Variants in GNG12 observed in about 807,000 individuals in gnomAD.
The protein encoded by GNG12 is guanine nucleotide-binding protein G(I)/G(S)/G(O) subunit gamma-12.
For synonymous variants in GNG12, 28 were observed against 29.7 expected, an observed-to-expected ratio of 0.94 and a Z score of 0.19; for missense variants, 69 against 83.8, an observed-to-expected ratio of 0.82 and a Z score of 0.69.
intron 1 of GNG12, among the ~76,000 whole-genome samples, chr1:67,796,143 C>G (rs1456378681): frequency 6.6e-6 from 1 of 152,206 alleles, no homozygotes; most frequent in South Asian, 2.1e-4. Flanking sequence ...GCCCTACTGA[C>G]AAAAGACATC....
rs188038053 is a variant in GNG12, at chr1:67,702,941, T to C, written c.*2510A>G. On this transcript the variant is annotated 3_prime_UTR_variant, in exon 4 of 4. Transcript: ENST00000370982. ...TGGAAAAAGTAACAAACACTGGGTA[T>C]TTGTCTATCATTAACATAAACCAAC... 6.6e-6 allele frequency: 1 copy of C among 152,322 alleles called. No homozygotes were observed. The highest frequency in any genetic ancestry group is 1.5e-5 in the Non-Finnish European group (1 of 68,006). The allele number at this position is 152,322 out of a possible 1,614,324, so 9.4% of individuals were successfully genotyped here.
chr1:67,724,679 C>T (rs137888161), intron 2 of GNG12, among the ~76,000 whole-genome samples: 1,865 of 152,236 alleles, frequency 0.012, 32 homozygotes, highest in African/African-American at 0.043. Context: ...TGTCAGCCAC[C>T]GCGCCTGGCC....
intron 1 of GNG12, among the ~76,000 whole-genome samples, chr1:67,815,523 T>C (rs973000452): frequency 2.0e-5 from 3 of 152,146 alleles, no homozygotes; most frequent in African/African-American, 7.2e-5. Flanking sequence ...GTGGCCCTCA[T>C]CCCCAGAGTG....
chr1:67,829,662 A>G (rs1372115890), intron 1 of GNG12, among the ~76,000 whole-genome samples: 1 of 152,234 alleles, frequency 6.6e-6, no homozygotes, highest in Non-Finnish European at 1.5e-5. Context: ...TGAAGCATAG[A>G]TTAAGTAACT....
intron 2 of GNG12, among the ~76,000 whole-genome samples, chr1:67,717,486 A>G (rs1022997410): frequency 4.0e-5 from 6 of 151,676 alleles, no homozygotes; most frequent in Non-Finnish European, 8.8e-5. Flanking sequence ...ATTGCACTCC[A>G]GCCTGGGCGA....
Position 67,744,312 on chromosome 1 carries a change from C to G in GNG12, c.-27+33146G>C, listed in dbSNP as rs112801423. ...TAAATGCTGGTTCCCCGGGTGCCTACTAAGCAAGATTGTTCTGGGTTAAAC... is the reference window on the plus strand; with the variant it reads ...TAAATGCTGGTTCCCCGGGTGCCTAGTAAGCAAGATTGTTCTGGGTTAAAC... On this transcript the variant is annotated intron_variant, in intron 2 of 3. Transcript: ENST00000370982. Among the ~76,000 whole-genome samples the G allele has an allele frequency of 4.9e-3, 746 of 152,230 alleles. 5 individuals are homozygous for G. The highest frequency in any genetic ancestry group is 0.017 in the African/African-American group (688 of 41,526).
chr1:67,810,299 C>A (rs552132962), intron 1 of GNG12, among the ~76,000 whole-genome samples: 14 of 152,084 alleles, frequency 9.2e-5, no homozygotes, highest in African/African-American at 3.4e-4. Context: ...TTTAGGACAG[C>A]GAAACTATTT....
At chr1:67,706,303 T>A (rs942065763) in intron 3 of GNG12, among the ~76,000 whole-genome samples, 2 of 152,214 alleles carry the variant, frequency 1.3e-5, no homozygotes, top group African/African-American at 4.8e-5. Context: ...GAACACACTT[T>A]AAGAACTGAA....
At chr1:67,709,925 TATATATATAG>T (rs1557591912) in intron 2 of GNG12, among the ~76,000 whole-genome samples, 9 of 41,296 alleles carry the variant, frequency 2.2e-4, no homozygotes, top group South Asian at 8.4e-4. Flanking sequence ...TATATATAGT[TATATATATAG>T]TTATATATAT....
At chr1:67,748,234 G>A (rs1646518116) in intron 2 of GNG12, among the ~76,000 whole-genome samples, 1 of 152,160 alleles carries the variant, frequency 6.6e-6, no homozygotes, top group African/African-American at 2.4e-5. Flanking sequence ...TTTGTAATAT[G>A]CTTCCTTTGA....
chr1:67,711,405 T>A (rs183541353), intron 2 of GNG12, among the ~76,000 whole-genome samples: 2 of 150,656 alleles, frequency 1.3e-5, no homozygotes, highest in Non-Finnish European at 3.0e-5. Context: ...AAAGCTCACA[T>A]AGGATCCTGA....
intron 2 of GNG12, among the ~76,000 whole-genome samples, chr1:67,732,158 A>C (rs1278652577): frequency 6.6e-6 from 1 of 152,234 alleles, no homozygotes; most frequent in Admixed American, 6.5e-5. Context: ...AATGACAGAC[A>C]TCTAGAGGAA....
At chr1:67,825,385 C>T (rs561252034) in intron 1 of GNG12, among the ~76,000 whole-genome samples, 101 of 152,282 alleles carry the variant, frequency 6.6e-4, no homozygotes, top group African/African-American at 2.4e-3. Context: ...TGAACCAGCA[C>T]CTTGATCCTC....
At chr1:67,794,998 G>A (rs1349098184) in intron 1 of GNG12, among the ~76,000 whole-genome samples, 4 of 152,104 alleles carry the variant, frequency 2.6e-5, no homozygotes, top group African/African-American at 4.8e-5. Flanking sequence ...CAGAAAATAC[G>A]ATACCCATTT....
chr1:67,763,521 A>G (rs1447544871), intron 2 of GNG12, among the ~76,000 whole-genome samples: 2 of 151,692 alleles, frequency 1.3e-5, no homozygotes, highest in African/African-American at 4.9e-5. Context: ...CACAGAAATA[A>G]ATATCCATCA....
At chr1:67,726,875 C>T (rs1646389419) in intron 2 of GNG12, among the ~76,000 whole-genome samples, 1 of 152,114 alleles carries the variant, frequency 6.6e-6, no homozygotes, top group Non-Finnish European at 1.5e-5. Context: ...TTAGGATACC[C>T]ACTACCTTTG....
chr1:67,814,792 C>CAA, intron 1 of GNG12, among the ~76,000 whole-genome samples: 1 of 152,272 alleles, frequency 6.6e-6, no homozygotes, highest in South Asian at 2.1e-4. Flanking sequence ...GTAGTGTACT[C>CAA]AAACAGGCAC....
At chr1:67,773,677 T>C (rs1364634718) in intron 2 of GNG12, among the ~76,000 whole-genome samples, 1 of 152,198 alleles carries the variant, frequency 6.6e-6, no homozygotes, top group African/African-American at 2.4e-5. Flanking sequence ...GACTGAGTCA[T>C]AGTGTAGAAT....
chr1:67,801,897 T>TA (rs35297458), intron 1 of GNG12, among the ~76,000 whole-genome samples: 3 of 134,494 alleles, frequency 2.2e-5, no homozygotes, highest in Non-Finnish European at 4.7e-5. Flanking sequence ...ATTTTGCCTA[T>TA]AAAAAAGTGG....
Sources: allele counts gnomAD v4.1 joint callset (sites outside exome capture counted in the v4.1 genomes callset), GRCh38; gene constraint gnomAD v4.1.1; transcripts MANE v1.5; gene names NCBI Gene and HGNC (gene_info 2026-07-23, HGNC 2026-07-21).